Variants in TRAPPC9 observed in about 807,000 individuals in gnomAD.
TRAPPC9 encodes IKK2 binding protein.
TRAPPC9 carries 83 observed loss-of-function variants against 124.0 expected under a neutral mutation model. The ratio of observed to expected loss-of-function variants is 0.67; its 90% CI spans 0.56 to 0.80. TRAPPC9 has a LOEUF of 0.80. Among genes scored for constraint, TRAPPC9 ranks in the 30% least tolerant of loss-of-function variants. The pLI, the probability that TRAPPC9 is intolerant of heterozygous loss-of-function variation, is 0.00. For missense variants in TRAPPC9, 1,302 were observed against 1,508.3 expected (o/e 0.86, Z 2.27); for synonymous variants, 638 against 617.5 (o/e 1.03, Z -0.49).
intron 21 of TRAPPC9, among the ~76,000 whole-genome samples, chr8:139,842,597 C>T (rs1042553685): frequency 2.2e-5 from 3 of 134,456 alleles, no homozygotes; most frequent in African/African-American, 5.5e-5. Context: ...CCTTCGTGCC[C>T]GGGGCCATGA....
intron 21 of TRAPPC9, among the ~76,000 whole-genome samples, chr8:139,768,683 C>T (rs1389056498): frequency 6.6e-6 from 1 of 152,192 alleles, no homozygotes; most frequent in Non-Finnish European, 1.5e-5. Context: ...GTTATCTAAA[C>T]ACAGAGCTCA....
intron 17 of TRAPPC9, among the ~76,000 whole-genome samples, chr8:140,201,720 C>T (rs1398363910): frequency 6.6e-6 from 1 of 152,162 alleles, no homozygotes; most frequent in Non-Finnish European, 1.5e-5. Context: ...TTATATAATA[C>T]ATCTAACTCC....
At chr8:140,191,569 C>T (rs535564197) in intron 17 of TRAPPC9, among the ~76,000 whole-genome samples, 2 of 152,284 alleles carry the variant, frequency 1.3e-5, no homozygotes, top group African/African-American at 2.4e-5. Flanking sequence ...TGTGACACGT[C>T]GGCTCTGGCT....
Position 140,024,076 on chromosome 8 carries a change from G to C in TRAPPC9, c.2560C>G (p.Leu854Val). Residue 854 changes from leucine (L) to valine (V), a missense_variant, in exon 18 of 23, where the codon CTG becomes GTG. Leu to Val is a conservative substitution (Grantham distance 32). Coordinates refer to ENST00000438773, the MANE Select transcript of TRAPPC9 (RefSeq NM_001160372.4). Reference sequence around the variant, plus strand: ...TATTTGAAATTCAGGACAGCTTCCAGGGTCTAAAAGATATTAAAAAAAAAA... The same window carrying C: ...TATTTGAAATTCAGGACAGCTTCCACGGTCTAAAAGATATTAAAAAAAAAA... ...KAGDYSHVKT[L>V]EAVLNFKYSG... 6.2e-7 allele frequency: 1 copy of C among 1,613,616 alleles called. No homozygotes were observed. The highest frequency in any genetic ancestry group is 8.5e-7 in the Non-Finnish European group (1 of 1,179,936).
intron 17 of TRAPPC9, among the ~76,000 whole-genome samples, chr8:140,183,859 AAAAAAGAAGAAG>A (rs1407330685): frequency 1.1e-4 from 6 of 55,334 alleles, no homozygotes; most frequent in South Asian, 8.7e-4. Context: ...TGTCAAAAAA[AAAAAAGAAGAAG>A]AAGAAGAAGA....
rs549816392 is a variant in TRAPPC9 at position 139,958,124 on chromosome 8, C to G, written c.2810+30602G>C. The stretch of plus-strand genomic sequence containing the variant: ...GGACTTGGGCTGAAAGGACTCACTG[C>G]CACTGCAGGCATGAGGACAGCAGCT... On this transcript the variant is annotated intron_variant, in intron 19 of 22. Transcript: ENST00000438773. Among the ~76,000 whole-genome samples the G allele has an allele frequency of 1.4e-4, 22 of 152,316 alleles. No individual in the cohort carries two copies. The East Asian group carries it at 4.1e-3, about 28-fold the overall frequency.
At chr8:139,784,399 C>T (rs1822036786) in intron 21 of TRAPPC9, among the ~76,000 whole-genome samples, 1 of 151,796 alleles carries the variant, frequency 6.6e-6, no homozygotes. Context: ...CATGGTGAAA[C>T]CCCATCTCTA....
chr8:139,971,861 G>A (rs1291957332), intron 19 of TRAPPC9, among the ~76,000 whole-genome samples: 2 of 146,968 alleles, frequency 1.4e-5, no homozygotes, highest in African/African-American at 2.5e-5. Context: ...AGTCTCGCTC[G>A]CTCTGTCACC....
intron 19 of TRAPPC9, among the ~76,000 whole-genome samples, chr8:139,971,399 C>A (rs562785545): frequency 1.8e-4 from 28 of 152,116 alleles, no homozygotes; most frequent in Non-Finnish European, 3.8e-4. Flanking sequence ...GTGAGCAATC[C>A]CCACCCAGCT....
intron 16 of TRAPPC9, among the ~76,000 whole-genome samples, chr8:140,237,063 C>G (rs988913146): frequency 7.2e-5 from 11 of 152,074 alleles, no homozygotes; most frequent in African/African-American, 2.7e-4. Flanking sequence ...CGCATGTAGT[C>G]CCAGCTACTG....
intron 9 of TRAPPC9, among the ~76,000 whole-genome samples, chr8:140,335,015 G>A (rs2066997675): frequency 6.6e-6 from 1 of 152,076 alleles, no homozygotes; most frequent in Non-Finnish European, 1.5e-5. Context: ...TAGGTTACAT[G>A]GATAGAAAAA....
chr8:140,065,210 G>A (rs777683749), intron 17 of TRAPPC9, among the ~76,000 whole-genome samples: 7 of 152,308 alleles, frequency 4.6e-5, no homozygotes, highest in Non-Finnish European at 8.8e-5. Flanking sequence ...TATGAAACAT[G>A]AGAGAGATGA....
chr8:140,385,742 G>A (rs2068738290), intron 7 of TRAPPC9, among the ~76,000 whole-genome samples: 1 of 152,134 alleles, frequency 6.6e-6, no homozygotes, highest in Admixed American at 6.5e-5. Context: ...AGAGGTATAA[G>A]GAGGAGCTGG....
rs1299979288 is a variant in TRAPPC9, at chr8:140,453,961, G to C, written c.-10-2578C>G. On this transcript the variant is annotated intron_variant, in intron 1 of 22. Transcript: ENST00000438773. ...TTCATTCTACAGAGGAGGAGAGCGC[G>C]GCCCACCGCAGGTAACAAAGGGCCT... Among the ~76,000 whole-genome samples the C allele has an allele frequency of 2.0e-5, 3 of 152,248 alleles. No homozygotes were observed. The East Asian group carries it at 5.8e-4, about 29-fold the overall frequency.
chr8:139,812,958 T>TA (rs1421699050), intron 21 of TRAPPC9, among the ~76,000 whole-genome samples: 3 of 152,364 alleles, frequency 2.0e-5, no homozygotes, highest in Admixed American at 6.5e-5. Flanking sequence ...TAGAAGGTTC[T>TA]AGAGCTGCAA....
intron 21 of TRAPPC9, among the ~76,000 whole-genome samples, chr8:139,794,960 C>G (rs888177290): frequency 2.0e-5 from 3 of 152,224 alleles, no homozygotes; most frequent in Non-Finnish European, 4.4e-5. Context: ...TTTCCTAAAC[C>G]TGGGGTGAGG....
At chr8:139,766,318 C>T (rs1820583278) in intron 21 of TRAPPC9, among the ~76,000 whole-genome samples, 2 of 152,184 alleles carry the variant, frequency 1.3e-5, no homozygotes, top group African/African-American at 4.8e-5. Flanking sequence ...TGGGGTCTGG[C>T]CATCCACAGT....
intron 17 of TRAPPC9, among the ~76,000 whole-genome samples, chr8:140,073,387 ACTACTG>A (rs1843301273): frequency 1.3e-5 from 2 of 152,242 alleles, no homozygotes; most frequent in Non-Finnish European, 2.9e-5. Flanking sequence ...AAAGAAATGA[ACTACTG>A]ATACAACAAC....
chr8:139,998,612 C>T (rs1838193426), intron 18 of TRAPPC9, among the ~76,000 whole-genome samples: 1 of 152,154 alleles, frequency 6.6e-6, no homozygotes, highest in South Asian at 2.1e-4. Context: ...GTCCCAGCTA[C>T]TTGGGAGGCT....
Sources: gnomAD v4.1 joint callset for allele counts (sites outside exome capture counted in the v4.1 genomes callset) on GRCh38, gnomAD v4.1.1 for gene constraint, MANE v1.5 for transcripts, NCBI Gene and HGNC (gene_info 2026-07-23, HGNC 2026-07-21) for gene names.